Variants in AAK1 observed in about 807,000 individuals in gnomAD.
AAK1 encodes the protein AP2 associated kinase 1.
Under a neutral mutation model 116.0 loss-of-function variants are expected in AAK1, and 37 were observed. That is an observed-to-expected ratio of 0.32 (90% CI 0.25 to 0.42). The LOEUF is 0.42. Ranked by LOEUF, AAK1 falls within the 10% of genes least tolerant of loss-of-function variation. AAK1 has a pLI of 1.00. For synonymous variants in AAK1, 458 were observed against 439.9 expected, an observed-to-expected ratio of 1.04 and a Z score of -0.51; for missense variants, 919 against 1,170.6, an observed-to-expected ratio of 0.79 and a Z score of 3.14.
At chr2:69,527,443 A>G in intron 8 of AAK1, 124 bp from the exon 9 acceptor site, 1 of 664,770 alleles carries the variant, frequency 1.5e-6, no homozygotes, top group Non-Finnish European at 2.6e-6. Flanking sequence ...TAGAAGTCAG[A>G]CAGTATAATT....
Position 69,497,686 on chromosome 2 carries a change from A to G in AAK1, c.2270-1606T>C, listed in dbSNP as rs548722854. 8.8e-5 allele frequency among the ~76,000 whole-genome samples: 13 copies of G among 148,244 alleles called. No homozygotes were observed. In the South Asian group the frequency reaches 2.1e-3, roughly 24 times the overall value. ...TTTTGTTTGTCAGCTGTCTTTCTAG[A>G]AAAAAAAAAGCCTCATTTTGTTTCT... On this transcript the variant is annotated intron_variant, in intron 16 of 21. Coordinates refer to ENST00000409085, the MANE Select transcript of AAK1 (RefSeq NM_014911.5).
In AAK1 at chr2:69,542,560, T is replaced by G; in HGVS notation, c.497A>C (p.His166Pro). Residue 166 changes from histidine (H) to proline (P), a missense_variant, in exon 5 of 22, where the codon CAT (histidine) becomes CCT (proline). His to Pro is a moderately conservative substitution (Grantham distance 77). Transcript: ENST00000409085. Reference sequence around the variant, plus strand: ...GTGGATAATAGGAGTTTTGCACTGATGCAGGCGGGCAACAGCTTCACAGGT... The same window carrying G: ...GTGGATAATAGGAGTTTTGCACTGAGGCAGGCGGGCAACAGCTTCACAGGT... Reference protein sequence around the residue: ...CDTCEAVARLHQCKTPIIHRD... With the variant: ...CDTCEAVARLPQCKTPIIHRD... The G allele has an allele frequency of 6.2e-7, 1 of 1,614,084 alleles. No individual in the cohort carries two copies. Among genetic ancestry groups the G allele is most frequent in the Non-Finnish European group, 8.5e-7 (1 of 1,179,916 alleles).
At position 69,475,850 on chromosome 2, in the gene AAK1, A is replaced by G; in HGVS notation, c.*19T>C. On this transcript the variant is annotated 3_prime_UTR_variant, in exon 22 of 22. Transcript: ENST00000409085. Reference sequence around the variant, plus strand: ...TACGGTATGAAGGTTACAGAACTGCATCTGCTACTGGGTCACGGCTACAGG... The same window carrying G: ...TACGGTATGAAGGTTACAGAACTGCGTCTGCTACTGGGTCACGGCTACAGG... 6 of 1,607,048 alleles carry G rather than the reference A, an allele frequency of 3.7e-6. No homozygotes were observed. The highest frequency in any genetic ancestry group is 5.1e-6 in the Non-Finnish European group (6 of 1,176,522).
chr2:69,584,847 TC>T (rs1334647636), intron 2 of AAK1, among the ~76,000 whole-genome samples: 1 of 152,132 alleles, frequency 6.6e-6, no homozygotes, highest in African/African-American at 2.4e-5. Context: ...CCACCTCACT[TC>T]CAGTGCAGCA....
At chr2:69,551,852 A>G (rs951492428) in intron 3 of AAK1, among the ~76,000 whole-genome samples, 2 of 152,264 alleles carry the variant, frequency 1.3e-5, no homozygotes, top group African/African-American at 4.8e-5. Context: ...CATGGTGGAC[A>G]GCATTTATCA....
At position 69,514,621 on chromosome 2, in the gene AAK1, CTGT is replaced by C. The variant is rs3832159; in HGVS notation, c.1623_1625del (p.Gln546del). 0.4 allele frequency: 637,531 copies of C among 1,597,224 alleles called. 128,261 individuals carry two copies. The highest frequency in any genetic ancestry group is 0.53 in the East Asian group (23,720 of 44,402). On this transcript the variant is annotated inframe_deletion, in exon 13 of 22. Transcript: ENST00000409085. The stretch of plus-strand genomic sequence containing the variant: ...GGGCTGTGGCCAGCTGTTGCTGTTG[CTGT>C]TGTTGTTGCTGCTGCTGCTGCTGCT...
rs966311567 is a variant in AAK1 at position 69,475,476 on chromosome 2, G to A, written c.*393C>T. On this transcript the variant is annotated 3_prime_UTR_variant, in exon 22 of 22. Coordinates refer to ENST00000409085, the MANE Select transcript of AAK1 (RefSeq NM_014911.5). ...CATCTGGCCAAAGGAGACGGGGGTT[G>A]GGAGAATTGATCTGGGAGGCCATTC... 32 of 1,018,334 alleles carry A rather than the reference G, an allele frequency of 3.1e-5. No individual in the cohort carries two copies. Among genetic ancestry groups the A allele is most frequent in the Non-Finnish European group, 3.6e-5 (31 of 849,526 alleles). The allele number at this position is 1,018,334 out of a possible 1,614,324, so 63.1% of individuals were successfully genotyped here. A position where few individuals can be genotyped will look rare whatever the true frequency, so the allele number is the denominator to read the frequency against.
chr2:69,493,158 C>CAAAAA (rs574490585), intron 17 of AAK1, among the ~76,000 whole-genome samples: 734 of 37,492 alleles, frequency 0.02, 94 homozygotes, highest in African/African-American at 0.036. Flanking sequence ...GACTCCGTCT[C>CAAAAA]AAAAAAAAAA....
intron 12 of AAK1, 28 bp from the exon 13 acceptor site, chr2:69,514,777 G>A (rs1039514568): frequency 6.5e-7 from 1 of 1,535,622 alleles, no homozygotes; most frequent in African/African-American, 1.4e-5. Flanking sequence ...AGATGAATAA[G>A]GGCCTGTCCC....
At chr2:69,559,323 T>G (rs1284944022) in intron 2 of AAK1, among the ~76,000 whole-genome samples, 1 of 151,570 alleles carries the variant, frequency 6.6e-6, no homozygotes, top group African/African-American at 2.4e-5. Context: ...AATTCTAAAA[T>G]GCATGTTTTT....
chr2:69,500,692 TATATATAC>T (rs1191427016), intron 16 of AAK1, among the ~76,000 whole-genome samples: 32 of 113,434 alleles, frequency 2.8e-4, no homozygotes, highest in African/African-American at 3.2e-4. Context: ...TATATATATA[TATATATAC>T]ACACACACAC....
rs529617776 is a variant in AAK1, at chr2:69,564,476, C to T, written c.164-7498G>A. 1.8e-4 allele frequency among the ~76,000 whole-genome samples: 28 copies of T among 151,992 alleles called. No individual in the cohort carries two copies. In the South Asian group the frequency reaches 2.9e-3, roughly 16 times the overall value. ...GAGAAAAATTTACCCCCCAAATATTCTACAGCTCTAGGTATAAGTATTTTA... is the reference window on the plus strand; with the variant it reads ...GAGAAAAATTTACCCCCCAAATATTTTACAGCTCTAGGTATAAGTATTTTA... On this transcript the variant is annotated intron_variant, in intron 2 of 21. Coordinates refer to ENST00000409085, the MANE Select transcript of AAK1 (RefSeq NM_014911.5).
At chr2:69,590,901 T>C (rs4852864) in intron 2 of AAK1, among the ~76,000 whole-genome samples, 58,593 of 152,022 alleles carry the variant, frequency 0.39, 11,635 homozygotes, top group East Asian at 0.6. Context: ...ACAAACTTTA[T>C]TGGAGCGATA....
intron 5 of AAK1, among the ~76,000 whole-genome samples, chr2:69,536,481 AG>A (rs1670477974): frequency 1.3e-5 from 2 of 152,222 alleles, no homozygotes; most frequent in South Asian, 4.1e-4. Context: ...GAGATTAAGA[AG>A]GTAGAAACCC....
chr2:69,469,205 A>G lies in AAK1; in HGVS notation c.*6664T>C, dbSNP rs769597031. The G allele has an allele frequency of 4.2e-5, 41 of 985,198 alleles. No individual in the cohort carries two copies. The highest frequency in any genetic ancestry group is 4.5e-5 in the Non-Finnish European group (37 of 829,952). 61.0% of individuals were successfully genotyped at this position (985,198 alleles called of 1,614,324 possible). On this transcript the variant is annotated 3_prime_UTR_variant, in exon 22 of 22. Coordinates refer to ENST00000409085, the MANE Select transcript of AAK1 (RefSeq NM_014911.5). ...AGGCGGAGAGCAACCACACTTTGCAACTCTCCAGGCCTGGCACTCTGAAGG... is the reference window on the plus strand; with the variant it reads ...AGGCGGAGAGCAACCACACTTTGCAGCTCTCCAGGCCTGGCACTCTGAAGG...
At chr2:69,478,732 G>T in intron 20 of AAK1, 1 of 430,154 alleles carries the variant, frequency 2.3e-6, no homozygotes, top group Non-Finnish European at 4.2e-6. Context: ...GGGATTGCAG[G>T]CCTGAGCTAC....
chr2:69,622,044 G>T (rs942398642), intron 2 of AAK1, among the ~76,000 whole-genome samples: 31 of 152,250 alleles, frequency 2.0e-4, no homozygotes, highest in African/African-American at 7.5e-4. Flanking sequence ...GCTGGCCAAG[G>T]CCAGAGCTGG....
chr2:69,548,004 G>A (rs2105064509), intron 3 of AAK1, among the ~76,000 whole-genome samples: 1 of 152,154 alleles, frequency 6.6e-6, no homozygotes, highest in South Asian at 2.1e-4. Flanking sequence ...AGACACAAGA[G>A]GTCAAATATT....
intron 2 of AAK1, among the ~76,000 whole-genome samples, chr2:69,607,460 T>G (rs1321154500): frequency 2.6e-5 from 4 of 152,196 alleles, no homozygotes; most frequent in Admixed American, 1.3e-4. Context: ...CTTCTACTTT[T>G]CTTTCCCATG....
Sources: gnomAD v4.1 joint callset for allele counts (sites outside exome capture counted in the v4.1 genomes callset) on GRCh38, gnomAD v4.1.1 for gene constraint, MANE v1.5 for transcripts, NCBI Gene and HGNC (gene_info 2026-07-23, HGNC 2026-07-21) for gene names.